Variants in NLGN1 observed in about 807,000 individuals in gnomAD.
NLGN1 encodes the protein neuroligin-1.
NLGN1 carries 12 observed loss-of-function variants against 65.5 expected under a neutral mutation model. The ratio of observed to expected loss-of-function variants is 0.18; its 90% CI spans 0.12 to 0.30. The LOEUF (loss-of-function observed/expected upper bound fraction) is 0.30, where lower values mean the gene tolerates loss of function less well. Ranked by LOEUF, NLGN1 falls within the 10% of genes least tolerant of loss-of-function variation. The pLI is 1.00. For missense variants in NLGN1, 750 were observed against 1,007.1 expected, an observed-to-expected ratio of 0.74 and a Z score of 3.46; for synonymous variants, 350 against 359.5, an observed-to-expected ratio of 0.97 and a Z score of 0.30.
At chr3:173,546,054 T>A (rs1739770196) in intron 2 of NLGN1, among the ~76,000 whole-genome samples, 1 of 152,122 alleles carries the variant, frequency 6.6e-6, no homozygotes, top group African/African-American at 2.4e-5. Flanking sequence ...GTAACAAACC[T>A]CCACGTTCTG....
chr3:174,115,832 A>T (rs941411362), intron 4 of NLGN1, among the ~76,000 whole-genome samples: 1 of 152,166 alleles, frequency 6.6e-6, no homozygotes, highest in Non-Finnish European at 1.5e-5. Flanking sequence ...CTGAGCTTTA[A>T]TGCTTTATTT....
At chr3:173,936,706 T>C (rs573661949) in intron 4 of NLGN1, among the ~76,000 whole-genome samples, 2 of 152,194 alleles carry the variant, frequency 1.3e-5, no homozygotes, top group Admixed American at 1.3e-4. Context: ...GTATATGTCT[T>C]ATTTAGTTGT....
intron 4 of NLGN1, among the ~76,000 whole-genome samples, chr3:174,041,933 A>G (rs1045309007): frequency 1.3e-5 from 2 of 152,126 alleles, no homozygotes; most frequent in Admixed American, 6.5e-5. Flanking sequence ...AGGTGCCTGT[A>G]ATTCCAGCTA....
chr3:173,629,230 C>A (rs1460129924), intron 3 of NLGN1, among the ~76,000 whole-genome samples: 3 of 151,758 alleles, frequency 2.0e-5, no homozygotes, highest in African/African-American at 7.3e-5. Flanking sequence ...AGATCATATT[C>A]CCAGGCTGGA....
intron 5 of NLGN1, among the ~76,000 whole-genome samples, chr3:174,277,256 A>G (rs1009962899): frequency 6.6e-6 from 1 of 151,852 alleles, no homozygotes; most frequent in East Asian, 1.9e-4. Flanking sequence ...TGGAGCTATA[A>G]ACTTTAAAGG....
intron 4 of NLGN1, among the ~76,000 whole-genome samples, chr3:174,131,917 G>A (rs1460174953): frequency 6.6e-6 from 1 of 152,178 alleles, no homozygotes; most frequent in Non-Finnish European, 1.5e-5. Flanking sequence ...TCAGAAAAGT[G>A]TTCACAGTCT....
chr3:173,715,092 G>A (rs1019456919), intron 3 of NLGN1, among the ~76,000 whole-genome samples: 3 of 152,080 alleles, frequency 2.0e-5, no homozygotes, highest in African/African-American at 4.8e-5. Context: ...CATGAAAGGT[G>A]GGGGAGAGAG....
intron 3 of NLGN1, among the ~76,000 whole-genome samples, chr3:173,712,447 C>T (rs574511496): frequency 6.6e-6 from 1 of 152,258 alleles, no homozygotes; most frequent in East Asian, 1.9e-4. Flanking sequence ...ATATTTAGCT[C>T]AGTGGTTAAG....
At chr3:174,199,511 A>C (rs1482829204) in intron 4 of NLGN1, among the ~76,000 whole-genome samples, 1 of 151,878 alleles carries the variant, frequency 6.6e-6, no homozygotes, top group African/African-American at 2.4e-5. Context: ...ACAGTGTGGA[A>C]GAGTTCACCT....
intron 3 of NLGN1, among the ~76,000 whole-genome samples, chr3:173,718,032 C>T (rs888318004): frequency 1.3e-5 from 2 of 152,014 alleles, no homozygotes; most frequent in Admixed American, 6.6e-5. Flanking sequence ...CATTAAACAA[C>T]TATACATATA....
At position 173,970,455 on chromosome 3, in the gene NLGN1, C is replaced by G. The variant is rs143503294; in HGVS notation, c.646+162623C>G. Among the ~76,000 whole-genome samples, 653 of 152,054 alleles carry G rather than the reference C, an allele frequency of 4.3e-3. 3 individuals are homozygous for G. The highest frequency in any genetic ancestry group is 6.8e-3 in the Non-Finnish European group (459 of 67,984). On this transcript the variant is annotated intron_variant, in intron 4 of 6. Coordinates refer to ENST00000457714, the Ensembl canonical transcript of NLGN1. ...TCCAAATGCCGGAAGTTCAGTGTGG[C>G]TGCAGTCCAGATGTTTTATGGGTAG...
rs1289919165 is a variant in NLGN1 at position 174,266,026 on chromosome 3, G to GTA, written c.647-9288_647-9287insAT. Among the ~76,000 whole-genome samples the GTA allele has an allele frequency of 7.5e-4, 97 of 129,284 alleles. 1 individual carries two copies. Among genetic ancestry groups the GTA allele is most frequent in the Admixed American group, 2.2e-3 (28 of 12,490 alleles). 84.8% of individuals were successfully genotyped at this position (129,284 alleles called of 152,430 possible). ...TTGCCCTCAGTGCATATATATGTGTGTGTGTGTATATATATATATATTTTT... is the reference window on the plus strand; with the variant it reads ...TTGCCCTCAGTGCATATATATGTGTGTATGTGTGTATATATATATATATTTTT... On this transcript the variant is annotated intron_variant, in intron 4 of 6. Transcript: ENST00000457714.
At chr3:173,869,984 T>C (rs1730874265) in intron 4 of NLGN1, among the ~76,000 whole-genome samples, 1 of 152,166 alleles carries the variant, frequency 6.6e-6, no homozygotes, top group African/African-American at 2.4e-5. Context: ...ACTTCATTGC[T>C]AGCTCTGATG....
At chr3:173,875,677 G>T (rs73035428) in intron 4 of NLGN1, among the ~76,000 whole-genome samples, 2,549 of 152,176 alleles carry the variant, frequency 0.017, 71 homozygotes, top group African/African-American at 0.057. Flanking sequence ...AATAAAAACA[G>T]AATCCTCATA....
intron 4 of NLGN1, among the ~76,000 whole-genome samples, chr3:174,158,371 A>G (rs906539762): frequency 6.6e-6 from 1 of 151,832 alleles, no homozygotes; most frequent in Admixed American, 6.6e-5. Flanking sequence ...GAAATAAAAT[A>G]TAAGTAGAAA....
At chr3:173,813,769 A>G (rs535762407) in intron 4 of NLGN1, among the ~76,000 whole-genome samples, 2 of 152,326 alleles carry the variant, frequency 1.3e-5, no homozygotes, top group South Asian at 2.1e-4. Context: ...TTAATTTCAT[A>G]ATTATCATAA....
chr3:173,420,817 A>G (rs990263672), intron 1 of NLGN1, among the ~76,000 whole-genome samples: 1 of 152,172 alleles, frequency 6.6e-6, no homozygotes, highest in Non-Finnish European at 1.5e-5. Flanking sequence ...ATCTTTCCAC[A>G]CTAATTTGAT....
chr3:173,474,835 G>A (rs1309746876), intron 2 of NLGN1, among the ~76,000 whole-genome samples: 1 of 152,108 alleles, frequency 6.6e-6, no homozygotes, highest in African/African-American at 2.4e-5. Context: ...GTGCACGCCT[G>A]TAATCCTGGC....
intron 4 of NLGN1, among the ~76,000 whole-genome samples, chr3:174,174,512 G>T (rs1577216528): frequency 6.6e-6 from 1 of 151,858 alleles, no homozygotes; most frequent in East Asian, 1.9e-4. Flanking sequence ...TTTGATTATG[G>T]TCATTCTTGC....
Sources: allele counts gnomAD v4.1 joint callset (sites outside exome capture counted in the v4.1 genomes callset), GRCh38; gene constraint gnomAD v4.1.1; transcripts MANE v1.5; gene names NCBI Gene and HGNC (gene_info 2026-07-23, HGNC 2026-07-21).